Variants in AQP7 observed in about 807,000 individuals in gnomAD.
AQP7 encodes aquaporin 7, also known as aquaporin-7.
AQP7 carries 22 observed loss-of-function variants against 26.1 expected under a neutral mutation model. That is an observed-to-expected ratio of 0.84 (90% CI 0.60 to 1.20). The LOEUF is 1.20. Ranked by LOEUF, AQP7 falls within the 50% of genes most tolerant of loss-of-function variation. The probability of loss-of-function intolerance (pLI) is 0.00; values close to 1 mark genes in which losing one functional copy is unlikely to be tolerated. For synonymous variants in AQP7, 167 were observed against 181.7 expected, an observed-to-expected ratio of 0.92 and a Z score of 0.65; for missense variants, 412 against 457.5, an observed-to-expected ratio of 0.90 and a Z score of 0.91.
chr9:33,386,050 G>A (rs1824744823), intron 6 of AQP7, 27 bp downstream of exon 6: 2 of 1,611,952 alleles, frequency 1.2e-6, no homozygotes, highest in African/African-American at 2.7e-5. Context: ...AGGGCAGGGG[G>A]AGGGATACTC....
intron 1 of AQP7, 44 bp from the exon 2 acceptor site, chr9:33,401,331 C>T (rs1271861284): frequency 4.7e-6 from 7 of 1,487,474 alleles, no homozygotes; most frequent in Non-Finnish European, 6.4e-6. Context: ...GGACACAGAA[C>T]TTGGCCCCAC....
At chr9:33,389,161 G>C (rs1006731415) in intron 3 of AQP7, among the ~76,000 whole-genome samples, 26 of 151,796 alleles carry the variant, frequency 1.7e-4, no homozygotes, top group Non-Finnish European at 3.5e-4. Flanking sequence ...CCGAGTAGTT[G>C]AGATAATAGG....
intron 4 of AQP7, among the ~76,000 whole-genome samples, 186 bp from the exon 5 acceptor site, chr9:33,386,727 G>A (rs1056759679): frequency 6.6e-6 from 1 of 152,238 alleles, no homozygotes; most frequent in Non-Finnish European, 1.5e-5. Context: ...AGGAAACTGA[G>A]GAACACAGAG....
At chr9:33,385,939 C>T in intron 6 of AQP7, 73 bp from the exon 7 acceptor site, 1 of 1,561,472 alleles carries the variant, frequency 6.4e-7, no homozygotes, top group Non-Finnish European at 8.7e-7. Context: ...TGCCCCAGAC[C>T]CAAGCCCACC....
intron 3 of AQP7, among the ~76,000 whole-genome samples, chr9:33,391,069 T>C (rs941271524): frequency 3.3e-5 from 5 of 152,156 alleles, no homozygotes; most frequent in African/African-American, 1.2e-4. Context: ...ATCACACCAC[T>C]GCACTCCAGC....
chr9:33,393,545 C>A (rs966498950), intron 3 of AQP7, among the ~76,000 whole-genome samples: 1 of 152,220 alleles, frequency 6.6e-6, no homozygotes, highest in Non-Finnish European at 1.5e-5. Context: ...CTTTGCCTCC[C>A]TTCCCAGAGG....
chr9:33,401,392 C>T, intron 1 of AQP7, 105 bp from the exon 2 acceptor site: 1 of 927,256 alleles, frequency 1.1e-6, no homozygotes, highest in Non-Finnish European at 1.7e-6. Flanking sequence ...GCAGCTCCTG[C>T]TAGTGCCACT....
At chr9:33,400,191 C>T (rs991443243) in intron 2 of AQP7, among the ~76,000 whole-genome samples, 6 of 152,118 alleles carry the variant, frequency 3.9e-5, no homozygotes, top group Non-Finnish European at 8.8e-5. Flanking sequence ...AGGCAAATAT[C>T]CCTGCTTGCG....
chr9:33,397,456 C>A (rs62544580), intron 2 of AQP7, among the ~76,000 whole-genome samples: 41,203 of 151,892 alleles, frequency 0.27, 5,738 homozygotes, highest in South Asian at 0.34. Context: ...TGCATGGGAG[C>A]TGGAGTTGGA....
At chr9:33,385,433 C>T in intron 7 of AQP7, 143 bp from the exon 8 acceptor site, 3 of 1,019,882 alleles carry the variant, frequency 2.9e-6, no homozygotes, top group Non-Finnish European at 4.3e-6. Flanking sequence ...CCTGGTCAGC[C>T]TCAGCCCAAT....
chr9:33,389,112 C>T (rs1825140842), intron 3 of AQP7, among the ~76,000 whole-genome samples: 1 of 151,778 alleles, frequency 6.6e-6, no homozygotes, highest in Non-Finnish European at 1.5e-5. Flanking sequence ...ACTGCAACCT[C>T]CAACTCCCGG....
In AQP7 at chr9:33,386,705, G is replaced by C. The variant is rs4008673; in HGVS notation, c.269-164C>G. Among the ~76,000 whole-genome samples, 36 of 152,300 alleles carry C rather than the reference G, an allele frequency of 2.4e-4. 1 individual carries two copies. The highest frequency in any genetic ancestry group is 1.2e-3 in the East Asian group (6 of 5,190). ...CCGTGAGGCAGGGGCCACCATCTTC[G>C]TTTCACTCTCAAGGAAACTGAGGAA... On this transcript the variant is annotated intron_variant, in intron 4 of 7. Coordinates refer to ENST00000297988, the MANE Select transcript of AQP7 (RefSeq NM_001170.3).
rs773648404 is a variant in AQP7, at chr9:33,386,933, G to A, written c.268+36C>T. 77 of 1,610,432 alleles carry A rather than the reference G, an allele frequency of 4.8e-5. No homozygotes were observed. In the African/African-American group the frequency reaches 8.8e-4, roughly 18 times the overall value. ...GGAAAGAGCCTGTTGGGGACACCTG[G>A]TCTTGCCCGGTCCGGCAGGGCCTGG... On this transcript the variant is annotated intron_variant, in intron 4 of 7. Coordinates refer to ENST00000297988, the MANE Select transcript of AQP7 (RefSeq NM_001170.3).
At chr9:33,400,162 C>T (rs1826155260) in intron 2 of AQP7, among the ~76,000 whole-genome samples, 1 of 152,170 alleles carries the variant, frequency 6.6e-6, no homozygotes, top group South Asian at 2.1e-4. Context: ...TATTCATTCT[C>T]TCCGTCCAAG....
rs757414925 is a variant in AQP7, at chr9:33,385,127, T to C, written c.907A>G (p.Lys303Glu). 5.6e-5 allele frequency: 90 copies of C among 1,611,918 alleles called. 2 individuals are homozygous for C. The South Asian group carries it at 9.5e-4, about 17-fold the overall frequency. The change falls in exon 8 of 8, where the codon AAG becomes GAG. Residue 303 changes from lysine to glutamate, a missense_variant. Lys to Glu is a moderately conservative substitution (Grantham distance 56, BLOSUM62 1). Coordinates refer to ENST00000297988, the MANE Select transcript of AQP7 (RefSeq NM_001170.3). ...YEDHGITVLP[K>E]MGSHEPTISP... Reference sequence around the variant, plus strand: ...ATCGTGGGTTCATGAGATCCCATCTTGGGCAATACGGTTATCCCGTGGTCT... The same window carrying C: ...ATCGTGGGTTCATGAGATCCCATCTCGGGCAATACGGTTATCCCGTGGTCT...
intron 5 of AQP7, 49 bp from the exon 6 acceptor site, chr9:33,386,244 C>A: frequency 6.2e-7 from 1 of 1,611,306 alleles, no homozygotes; most frequent in Non-Finnish European, 8.5e-7. Flanking sequence ...CTAAGCCCCA[C>A]CGGGGTCCCA....
intron 3 of AQP7, among the ~76,000 whole-genome samples, chr9:33,392,954 G>A (rs1425465466): frequency 1.3e-4 from 20 of 152,170 alleles, no homozygotes; most frequent in Non-Finnish European, 2.8e-4. Context: ...TGGGCCGGGC[G>A]AGGTGACTCA....
chr9:33,385,593 A>G (rs1221334632), intron 7 of AQP7, 56 bp downstream of exon 7: 2 of 1,594,570 alleles, frequency 1.3e-6, no homozygotes, highest in Non-Finnish European at 1.7e-6. Flanking sequence ...CCACCCCTCA[A>G]CACACAGGGG....
rs770805820 is a variant in AQP7, at chr9:33,384,959, A to G, written c.*46T>C. On this transcript the variant is annotated 3_prime_UTR_variant, in exon 8 of 8. Coordinates refer to ENST00000297988, the MANE Select transcript of AQP7 (RefSeq NM_001170.3). Reference sequence around the variant, plus strand: ...GAAGTGGGGGTACTGCTGTCGGACAAGCCTTGCTTTATTGGGGAATGGATG... The same window carrying G: ...GAAGTGGGGGTACTGCTGTCGGACAGGCCTTGCTTTATTGGGGAATGGATG... 5 of 1,559,386 alleles carry G rather than the reference A, an allele frequency of 3.2e-6. No homozygotes were observed. Among genetic ancestry groups the G allele is most frequent in the Non-Finnish European group, 4.4e-6 (5 of 1,149,364 alleles).
Sources: allele counts gnomAD v4.1 joint callset (sites outside exome capture counted in the v4.1 genomes callset), GRCh38; gene constraint gnomAD v4.1.1; transcripts MANE v1.5; gene names NCBI Gene and HGNC (gene_info 2026-07-23, HGNC 2026-07-21).